The following LRFN2 variants were observed in gnomAD, a reference collection of about 807,000 sequenced individuals.
LRFN2 encodes the protein leucine-rich repeat and fibronectin type-III domain-containing protein 2.
LRFN2 carries 18 observed loss-of-function variants against 37.3 expected under a neutral mutation model. The observed-to-expected ratio is 0.48, with a 90% confidence interval of 0.33 to 0.72. The LOEUF is 0.72. LRFN2 is among the 30% of genes least tolerant of loss of function. The pLI is 0.02. For synonymous variants in LRFN2, 556 were observed against 466.6 expected (o/e 1.19, Z -2.47); for missense variants, 1,006 against 1,060.7 (o/e 0.95, Z 0.72).
chr6:40,399,885 T>C (rs1232786097), intron 2 of LRFN2, among the ~76,000 whole-genome samples: 8 of 151,892 alleles, frequency 5.3e-5, no homozygotes, highest in Admixed American at 5.2e-4. Flanking sequence ...CATCACTTCA[T>C]GTCAGCAGCA....
intron 1 of LRFN2, among the ~76,000 whole-genome samples, chr6:40,566,149 G>C (rs1174575464): frequency 2.0e-5 from 3 of 152,154 alleles, no homozygotes. Context: ...CATCATCACT[G>C]GCCATCAGAG....
chr6:40,537,570 G>A (rs1766473679), intron 1 of LRFN2, among the ~76,000 whole-genome samples: 1 of 152,138 alleles, frequency 6.6e-6, no homozygotes, highest in Admixed American at 6.5e-5. Context: ...AAGCGTCCCT[G>A]ACCACTCTGA....
At chr6:40,471,205 T>A (rs1186826633) in intron 1 of LRFN2, among the ~76,000 whole-genome samples, 3 of 152,158 alleles carry the variant, frequency 2.0e-5, no homozygotes, top group African/African-American at 7.2e-5. Flanking sequence ...GGGGCTCTTC[T>A]TACCGGCTCC....
chr6:40,440,304 G>A (rs1017165872), intron 1 of LRFN2, among the ~76,000 whole-genome samples: 4 of 152,124 alleles, frequency 2.6e-5, no homozygotes, highest in South Asian at 2.1e-4. Flanking sequence ...GTATTAGCAC[G>A]TCCGTGATAG....
chr6:40,432,157 A>G lies in LRFN2; in HGVS notation c.957T>C (p.Leu319=), dbSNP rs763634855. ...GGTCATCGGGGGCTACCCAGTGGATAAGGGGGCTGGGGTCCCCAATGGCTT... is the reference window on the plus strand; with the variant it reads ...GGTCATCGGGGGCTACCCAGTGGATGAGGGGGCTGGGGTCCCCAATGGCTT... ...KCKAIGDPSP[L]IHWVAPDDRL... The change falls in exon 2 of 3, where the codon CTT becomes CTC. Residue 319 remains leucine, a synonymous_variant. Coordinates refer to ENST00000338305, the MANE Select transcript of LRFN2 (RefSeq NM_020737.3). 1.2e-5 allele frequency: 19 copies of G among 1,613,666 alleles called. No homozygotes were observed. The South Asian group carries it at 1.9e-4, about 16-fold the overall frequency.
chr6:40,395,934 T>C (rs1004160080), intron 2 of LRFN2, among the ~76,000 whole-genome samples: 2 of 152,170 alleles, frequency 1.3e-5, no homozygotes, highest in African/African-American at 4.8e-5. Flanking sequence ...TTGTGTAACA[T>C]AGGTTTCCAC....
rs1230333953 is a variant in LRFN2 at position 40,512,866 on chromosome 6, G to T, written c.-19+74075C>A. On this transcript the variant is annotated intron_variant, in intron 1 of 2. Coordinates refer to ENST00000338305, the MANE Select transcript of LRFN2 (RefSeq NM_020737.3). ...TAATATCCCCAGTGATGGGGAAACA[G>T]CCAGCCTGGGAGATGAGAGTGAAAT... Among the ~76,000 whole-genome samples the T allele has an allele frequency of 2.6e-5, 4 of 152,246 alleles. No homozygotes were observed. The East Asian group carries it at 7.7e-4, about 29-fold the overall frequency.
intron 2 of LRFN2, among the ~76,000 whole-genome samples, chr6:40,427,093 C>A (rs1238492282): frequency 6.6e-6 from 1 of 152,200 alleles, no homozygotes; most frequent in Non-Finnish European, 1.5e-5. Flanking sequence ...CAATTGATTC[C>A]TTGAACCAAA....
At chr6:40,439,604 T>G (rs1236743965) in intron 1 of LRFN2, among the ~76,000 whole-genome samples, 3 of 152,210 alleles carry the variant, frequency 2.0e-5, no homozygotes, top group African/African-American at 7.2e-5. Context: ...CCAGCCTTGC[T>G]GTCTCCAGCA....
At chr6:40,492,037 A>C (rs1451420210) in intron 1 of LRFN2, among the ~76,000 whole-genome samples, 2 of 126,496 alleles carry the variant, frequency 1.6e-5, no homozygotes, top group Non-Finnish European at 1.7e-5. Context: ...TGTTTCCCTC[A>C]CTCTATTTTG....
intron 1 of LRFN2, among the ~76,000 whole-genome samples, chr6:40,541,871 A>G (rs1479530148): frequency 6.6e-6 from 1 of 152,176 alleles, no homozygotes; most frequent in Non-Finnish European, 1.5e-5. Flanking sequence ...TTTCTGGGCC[A>G]TAAAGAGATT....
At position 40,522,479 on chromosome 6, in the gene LRFN2, G is replaced by C. The variant is rs406879; in HGVS notation, c.-19+64462C>G. 2.0e-3 allele frequency among the ~76,000 whole-genome samples: 311 copies of C among 152,230 alleles called. 2 individuals carry two copies. The highest frequency in any genetic ancestry group is 7.2e-3 in the African/African-American group (298 of 41,550). Reference sequence around the variant, plus strand: ...AGGGTGTGGATTCCTGGGGGAAGTGGGTAGGTGAGGCAGAGAGGTTCCTGT... The same window carrying C: ...AGGGTGTGGATTCCTGGGGGAAGTGCGTAGGTGAGGCAGAGAGGTTCCTGT... On this transcript the variant is annotated intron_variant, in intron 1 of 2. Transcript: ENST00000338305.
chr6:40,560,203 G>C (rs767952365), intron 1 of LRFN2, among the ~76,000 whole-genome samples: 2 of 152,030 alleles, frequency 1.3e-5, no homozygotes, highest in Admixed American at 6.6e-5. Context: ...TCCAGGAGGC[G>C]CTCTGACTGA....
At chr6:40,441,879 C>A (rs1763844854) in intron 1 of LRFN2, among the ~76,000 whole-genome samples, 1 of 152,184 alleles carries the variant, frequency 6.6e-6, no homozygotes, top group South Asian at 2.1e-4. Context: ...AAGGCTCCAA[C>A]CCTAGGAACC....
chr6:40,482,661 G>A (rs892467026), intron 1 of LRFN2, among the ~76,000 whole-genome samples: 7 of 152,098 alleles, frequency 4.6e-5, no homozygotes, highest in African/African-American at 1.4e-4. Context: ...TCAGCGCTTA[G>A]CTCCCTCCAG....
chr6:40,439,864 C>T (rs541521544), intron 1 of LRFN2, among the ~76,000 whole-genome samples: 1 of 152,222 alleles, frequency 6.6e-6, no homozygotes, highest in African/African-American at 2.4e-5. Flanking sequence ...ACTTCAGGGA[C>T]CTCTTAGTTC....
chr6:40,410,957 C>G (rs1177225147), intron 2 of LRFN2, among the ~76,000 whole-genome samples: 3 of 152,256 alleles, frequency 2.0e-5, no homozygotes, highest in African/African-American at 7.2e-5. Flanking sequence ...AGTCTGGGAG[C>G]AGCCAGGGCC....
At chr6:40,450,696 G>T (rs528393043) in intron 1 of LRFN2, among the ~76,000 whole-genome samples, 18 of 152,322 alleles carry the variant, frequency 1.2e-4, no homozygotes, top group African/African-American at 4.3e-4. Context: ...CATTTACTGA[G>T]AACTTACTAC....
At chr6:40,564,903 C>T (rs1767061423) in intron 1 of LRFN2, among the ~76,000 whole-genome samples, 1 of 152,156 alleles carries the variant, frequency 6.6e-6, no homozygotes, top group South Asian at 2.1e-4. Context: ...ACCACCATCA[C>T]AGGAGTCTGC....
Sources: allele counts gnomAD v4.1 joint callset (sites outside exome capture counted in the v4.1 genomes callset), GRCh38; gene constraint gnomAD v4.1.1; transcripts MANE v1.5; gene names NCBI Gene and HGNC (gene_info 2026-07-23, HGNC 2026-07-21).